The following ZMYM3 variants were observed in gnomAD, a reference collection of about 807,000 sequenced individuals.
ZMYM3 encodes zinc finger MYM-type containing 3, also known as zinc finger MYM-type protein 3.
Under a neutral mutation model 94.2 loss-of-function variants are expected in ZMYM3, and 6 were observed. The observed-to-expected ratio is 0.06, with a 90% CI of 0.03 to 0.13. ZMYM3 has a LOEUF of 0.13. Among genes scored for constraint, ZMYM3 ranks in the 10% least tolerant of loss-of-function variants. The probability of loss-of-function intolerance (pLI) is 1.00; values close to 1 mark genes in which losing one functional copy is unlikely to be tolerated. For missense variants in ZMYM3, 664 were observed against 1,132.6 expected (o/e 0.59, Z 5.94); for synonymous variants, 420 against 426.5 (o/e 0.98, Z 0.19).
rs772710720 is a variant in ZMYM3, at chrX:71,244,920, T to C, written c.3008-27A>G. 9 of 1,145,650 alleles carry C rather than the reference T, an allele frequency of 7.9e-6. No homozygotes were observed. The Admixed American group carries it at 9.1e-5, about 12-fold the overall frequency. 94.4% of individuals were successfully genotyped at this position (1,145,650 alleles called of 1,213,427 possible). A position where few individuals can be genotyped will look rare whatever the true frequency, so the allele number is the denominator to read the frequency against. ...TAATGAAAAGGAAAGAAAGAAGAAA[T>C]CAATTTCTTAAGATCTCAACCCTGC... On this transcript the variant is annotated intron_variant, in intron 18 of 24. Transcript: ENST00000314425.
rs917492813 is a variant in ZMYM3 at position 71,240,221 on chromosome X, C to A, written c.*695G>T. The stretch of plus-strand genomic sequence containing the variant: ...GGAGTCTGCACAACAGGAGTCTGCT[C>A]CCCGTACTTAGTCATTCTCTGCCTC... On this transcript the variant is annotated 3_prime_UTR_variant, in exon 25 of 25. Transcript: ENST00000314425. The A allele has an allele frequency of 9.0e-6, 1 of 111,467 alleles. No homozygotes were observed. Among genetic ancestry groups the A allele is most frequent in the African/African-American group, 3.3e-5 (1 of 30,545 alleles). 9.2% of individuals were successfully genotyped at this position (111,467 alleles called of 1,213,427 possible).
rs373574002 is a variant in ZMYM3 at position 71,240,946 on chromosome X, C to G, written c.4083G>C (p.Leu1361=). 3 of 1,209,490 alleles carry G rather than the reference C, an allele frequency of 2.5e-6. No homozygotes were observed. The African/African-American group carries it at 5.3e-5, about 21-fold the overall frequency. ...CCAGGTCTTCCTCCCCAGGACGACC[C>G]AGTTCCTCATAAATCTCGCGCACAG... The part of the protein sequence containing the change: ...ILAVREIYEE[L]GRPGEEDLD The change falls in exon 25 of 25, where the codon CTG becomes CTC. Residue 1361 remains leucine (L), a synonymous_variant. Coordinates refer to ENST00000314425, the MANE Select transcript of ZMYM3 (RefSeq NM_201599.3).
chrX:71,250,093 C>T lies in ZMYM3; in HGVS notation c.1184G>A (p.Arg395His), dbSNP rs774738270. ...CLSLYEAQQQ[R>H]PIPQSGDPAD... is the part of the protein sequence containing the mutation. ...GGGATCCCCAGACTGGGGGATCGGG[C>T]GCTGCTGCTGGGCCTCATACAGGGA... Residue 395 changes from arginine to histidine, a missense_variant, in exon 6 of 25, where the codon CGC becomes CAC. Physicochemically the swap from Arg to His is conservative, Grantham distance 29 (BLOSUM62 0). Transcript: ENST00000314425. 5 of 1,205,240 alleles carry T rather than the reference C, an allele frequency of 4.1e-6. No homozygotes were observed. Among genetic ancestry groups the T allele is most frequent in the East Asian group, 3.0e-5 (1 of 33,680 alleles).
chrX:71,254,536 A>C (rs1003841742), upstream of ZMYM3: 1 of 108,184 alleles, frequency 9.2e-6, no homozygotes, highest in Non-Finnish European at 1.9e-5. Context: ...CCTGGAGCCC[A>C]CTCTACCCGT....
chrX:71,244,005 C>T (rs367908986), intron 20 of ZMYM3, 25 bp from the exon 21 acceptor site: 212 of 1,205,043 alleles, frequency 1.8e-4, no homozygotes, highest in Non-Finnish European at 2.2e-4. Flanking sequence ...TGTGCAGGGA[C>T]AGGATTAAGA....
chrX:71,246,336 G>T lies in ZMYM3; in HGVS notation c.2572+17C>A, dbSNP rs184417426. On this transcript the variant is annotated intron_variant, in intron 15 of 24. Transcript: ENST00000314425. ...ACTCTGGAATACAGCCTGTGGCATCGAGGTACCCTGGCTCACCTGTTTGAC... is the reference window on the plus strand; with the variant it reads ...ACTCTGGAATACAGCCTGTGGCATCTAGGTACCCTGGCTCACCTGTTTGAC... 3 of 1,208,064 alleles carry T rather than the reference G, an allele frequency of 2.5e-6. No individual in the cohort carries two copies. Among genetic ancestry groups the T allele is most frequent in the African/African-American group, 1.8e-5 (1 of 56,802 alleles).
At chrX:71,244,280 C>A (rs748385875) in intron 20 of ZMYM3, 22 bp downstream of exon 20, 1 of 1,201,498 alleles carries the variant, frequency 8.3e-7, no homozygotes, top group Non-Finnish European at 1.1e-6. Context: ...CCTCCCCACA[C>A]CCCCCATCCC....
At position 71,246,443 on chromosome X, in the gene ZMYM3, G is replaced by A. The variant is rs776534704; in HGVS notation, c.2482C>T (p.Arg828Cys). The change falls in exon 15 of 25, where the codon CGC becomes TGC. Residue 828 changes from arginine (R) to cysteine (C), a missense_variant. Coordinates refer to ENST00000314425, the MANE Select transcript of ZMYM3 (RefSeq NM_201599.3). ...TTACACATGGCAGCCTTGTTTTTGCGGGGTGTTGCTGGGGGTGGTGGGGGT... is the reference window on the plus strand; with the variant it reads ...TTACACATGGCAGCCTTGTTTTTGCAGGGTGTTGCTGGGGGTGGTGGGGGT... Reference protein sequence around the residue: ...PPPPPPPATPRKNKAAMCKPL... With the variant: ...PPPPPPPATPCKNKAAMCKPL... 3.3e-6 allele frequency: 4 copies of A among 1,198,995 alleles called. No homozygotes were observed. The highest frequency in any genetic ancestry group is 1.1e-6 in the Non-Finnish European group (1 of 889,916).
In ZMYM3 at chrX:71,247,522, A is replaced by G. The variant is rs375538104; in HGVS notation, c.2149-12T>C. 2 of 1,206,264 alleles carry G rather than the reference A, an allele frequency of 1.7e-6. No individual in the cohort carries two copies. The highest frequency in any genetic ancestry group is 2.2e-6 in the Non-Finnish European group (2 of 891,809). ...TGGCACCGGGCAGCCTGAGGATGTC[A>G]AAAGGATGGTCAGACCTGCCTCCCT... On this transcript the variant is annotated splice_polypyrimidine_tract_variant and intron_variant, in intron 12 of 24. Coordinates refer to ENST00000314425, the MANE Select transcript of ZMYM3 (RefSeq NM_201599.3).
intron 16 of ZMYM3, 52 bp downstream of exon 16, chrX:71,245,934 G>C (rs772524270): frequency 8.4e-7 from 1 of 1,190,681 alleles, no homozygotes; most frequent in Admixed American, 2.2e-5. Flanking sequence ...GGGGACAGTT[G>C]ATGAGAGTAA....
rs778918281 is a variant in ZMYM3 at position 71,252,862 on chromosome X, C to T, written c.394G>A (p.Ala132Thr). The T allele has an allele frequency of 8.3e-7, 1 of 1,209,997 alleles. No homozygotes were observed. The highest frequency in any genetic ancestry group is 3.0e-5 in the East Asian group (1 of 33,824). Reference protein sequence around the residue: ...EVVPPDPGAGANSCSPEGLLE... With the variant: ...EVVPPDPGAGTNSCSPEGLLE... ...AGCCCCTCAGGTGAACAGGAATTTG[C>T]CCCAGCCCCTGGATCAGGTGGTACC... The change falls in exon 2 of 25, where the codon GCA becomes ACA. Residue 132 changes from alanine to threonine, a missense_variant. Ala to Thr is a moderately conservative substitution (Grantham distance 58). This residue lies in a region of ZMYM3 where 196 missense variants were observed against 190.8 expected (regional missense o/e 1.03). Coordinates refer to ENST00000314425, the MANE Select transcript of ZMYM3 (RefSeq NM_201599.3).
Position 71,244,461 on chromosome X carries a change from G to A in ZMYM3, c.3121C>T (p.Arg1041Trp). The change falls in exon 20 of 25, where the codon CGG (arginine) becomes TGG (tryptophan). Residue 1041 changes from arginine to tryptophan, a missense_variant. This residue lies in a region of ZMYM3 where 75 missense variants were observed against 152.5 expected (regional missense o/e 0.49). Transcript: ENST00000314425. ...LPRTMRKGQK[R>W]LVLSESCSRD... is the part of the protein sequence containing the mutation. The stretch of plus-strand genomic sequence containing the variant: ...GAGCAGCTTTCGGAAAGCACCAGCC[G>A]CTTTTGACCCTGGAGGGGAAGAGAA... 8.3e-7 allele frequency: 1 copy of A among 1,208,853 alleles called. No individual in the cohort carries two copies. Among genetic ancestry groups the A allele is most frequent in the Non-Finnish European group, 1.1e-6 (1 of 894,742 alleles).
At position 71,252,930 on chromosome X, in the gene ZMYM3, TCTC is replaced by T. The variant is rs1357970158; in HGVS notation, c.323_325del (p.Gly108del). 3 of 1,211,389 alleles carry T rather than the reference TCTC, an allele frequency of 2.5e-6. No homozygotes were observed. Among genetic ancestry groups the T allele is most frequent in the African/African-American group, 3.5e-5 (2 of 57,797 alleles). ...CCCTGGTCCAGGCTCTAGGGTCTGATCTCCTGCATCCCATGCCAGGGTTCCCTC... is the reference window on the plus strand; with the variant it reads ...CCCTGGTCCAGGCTCTAGGGTCTGATCTGCATCCCATGCCAGGGTTCCCTC... On this transcript the variant is annotated inframe_deletion, in exon 2 of 25. Transcript: ENST00000314425.
intron 17 of ZMYM3, 52 bp downstream of exon 17, chrX:71,245,616 G>A: frequency 8.4e-7 from 1 of 1,186,821 alleles, no homozygotes; most frequent in African/African-American, 1.7e-5. Flanking sequence ...CCCTCGGGCA[G>A]AGACATGCTG....
At position 71,247,893 on chromosome X, in the gene ZMYM3, C is replaced by T. The variant is rs200745411; in HGVS notation, c.1989G>A (p.Leu663=). The T allele has an allele frequency of 1.2e-5, 14 of 1,190,713 alleles. No individual in the cohort carries two copies. Among genetic ancestry groups the T allele is most frequent in the Non-Finnish European group, 1.6e-5 (14 of 885,004 alleles). The change falls in exon 12 of 25, where the codon CTG becomes CTA. Residue 663 remains leucine (L), a synonymous_variant. Coordinates refer to ENST00000314425, the MANE Select transcript of ZMYM3 (RefSeq NM_201599.3). The stretch of plus-strand genomic sequence containing the variant: ...GCTTCTTAGTGAAGTCCTGTTTGTA[C>T]AGCAGCACACAGCCTGGAAAGAGGA... ...KSFCSEGCVL[L]YKQDFTKKLG...
chrX:71,244,090 G>C, intron 20 of ZMYM3, 110 bp from the exon 21 acceptor site: 1 of 1,036,487 alleles, frequency 9.6e-7, no homozygotes, highest in Non-Finnish European at 1.3e-6. Context: ...CCTAGCTCCT[G>C]AACAATTACA....
In ZMYM3 at chrX:71,248,305, A is replaced by G; in HGVS notation, c.1832T>C (p.Val611Ala). The G allele has an allele frequency of 8.3e-7, 1 of 1,202,392 alleles. No individual in the cohort carries two copies. The highest frequency in any genetic ancestry group is 1.1e-6 in the Non-Finnish European group (1 of 890,459). ...KPEVLDWQDQ[V>A]FQFCCRDCCE... ...GCAATCACGGCAGCAGAACTGGAAC[A>G]CTTGGTCCTGAGGTGGGGGCACAGG... The change falls in exon 11 of 25, where the codon GTG (valine) becomes GCG (alanine). Residue 611 changes from valine to alanine, a missense_variant. By Grantham distance (64) the Val-to-Ala change is moderately conservative. Coordinates refer to ENST00000314425, the MANE Select transcript of ZMYM3 (RefSeq NM_201599.3).
chrX:71,242,077 GGGCCGACCT>G (rs1374095549), intron 23 of ZMYM3, 84 bp downstream of exon 23: 14 of 1,101,729 alleles, frequency 1.3e-5, no homozygotes, highest in African/African-American at 1.8e-5. Context: ...GCCAAGGAGA[GGGCCGACCT>G]GGCAGGTATG....
chrX:71,250,941 G>A (rs2030432999), intron 4 of ZMYM3, among the ~76,000 whole-genome samples: 2 of 111,400 alleles, frequency 1.8e-5, no homozygotes, highest in Admixed American at 9.5e-5. Context: ...TAAATGAGAA[G>A]ATTCGGAGAC....
Sources: gnomAD v4.1 joint callset for allele counts (sites outside exome capture counted in the v4.1 genomes callset) on GRCh38, gnomAD v4.1.1 for gene constraint, gnomAD v4.1.1 regional missense constraint, MANE v1.5 for transcripts, NCBI Gene and HGNC (gene_info 2026-07-23, HGNC 2026-07-21) for gene names.